Variants in PACRGL observed in about 807,000 individuals in gnomAD.
PACRGL encodes the protein PACRG-like protein.
PACRGL carries 38 observed loss-of-function variants against 34.5 expected under a neutral mutation model. That is an observed-to-expected ratio of 1.10 (90% confidence interval 0.85 to 1.44). The LOEUF (loss-of-function observed/expected upper bound fraction) is 1.44, where lower values mean the gene tolerates loss of function less well. Ranked by LOEUF, PACRGL falls within the 40% of genes most tolerant of loss-of-function variation. The pLI, the probability that PACRGL is intolerant of heterozygous loss-of-function variation, is 0.00. For synonymous variants in PACRGL, 128 were observed against 100.1 expected (o/e 1.28, Z -1.66); for missense variants, 305 against 281.4 (o/e 1.08, Z -0.60).
At chr4:20,747,497 A>C (rs1267863589) in intron 8 of PACRGL, among the ~76,000 whole-genome samples, 1 of 152,212 alleles carries the variant, frequency 6.6e-6, no homozygotes, top group Non-Finnish European at 1.5e-5. Context: ...CTAAGCTGCC[A>C]TTAGCAAAAG....
rs200650846 is a variant in PACRGL, at chr4:20,709,752, A to G, written c.345A>G (p.Pro115=). Residue 115 remains proline (P), a synonymous_variant, in exon 5 of 9, where the codon CCA becomes CCG. Coordinates refer to ENST00000503585, the MANE Select transcript of PACRGL (RefSeq NM_001258345.3). ...CTCCTGAAAGTCTTTCATTTGATCC[A>G]CTTCTTATTACTTTAGCTGAGGTAA... ...ECPPESLSFD[P]LLITLAEGLR... The G allele has an allele frequency of 6.7e-5, 108 of 1,602,656 alleles. No homozygotes were observed. Among genetic ancestry groups the G allele is most frequent in the Admixed American group, 1.5e-4 (9 of 59,894 alleles).
At position 20,724,801 on chromosome 4, in the gene PACRGL, T is replaced by A. The variant is rs1445218384; in HGVS notation, c.610-7T>A. 6.8e-7 allele frequency: 1 copy of A among 1,462,450 alleles called. No individual in the cohort carries two copies. The highest frequency in any genetic ancestry group is 2.6e-5 in the East Asian group (1 of 38,650). The allele number at this position is 1,462,450 out of a possible 1,614,324, so 90.6% of individuals were successfully genotyped here. ...CATTTCGTTTCCCCCTAATCTTACT[T>A]TAAAAGCTTTCCAAGAGATTAATGG... On this transcript the variant is annotated splice_region_variant and splice_polypyrimidine_tract_variant and intron_variant, in intron 7 of 8. Coordinates refer to ENST00000503585, the MANE Select transcript of PACRGL (RefSeq NM_001258345.3).
At chr4:20,736,190 A>G (rs138777937), downstream of PACRGL, among the ~76,000 whole-genome samples, 211 of 152,310 alleles carry the variant, frequency 1.4e-3, no homozygotes, top group African/African-American at 2.7e-3. Context: ...ATTTTTGTGC[A>G]TACACAAGTA....
rs1560310091 is a variant in PACRGL, at chr4:20,710,418, A to C, written c.366+645A>C. Among the ~76,000 whole-genome samples, 5 of 152,356 alleles carry C rather than the reference A, an allele frequency of 3.3e-5. No individual in the cohort carries two copies. The South Asian group carries it at 1.0e-3, about 32-fold the overall frequency. Reference sequence around the variant, plus strand: ...CTTAGAGTTAGAAGTAGAGAAATGAATTAACCAGTTGTCTTGTATTTAAAC... The same window carrying C: ...CTTAGAGTTAGAAGTAGAGAAATGACTTAACCAGTTGTCTTGTATTTAAAC... On this transcript the variant is annotated intron_variant, in intron 5 of 8. Coordinates refer to ENST00000503585, the MANE Select transcript of PACRGL (RefSeq NM_001258345.3).
At chr4:20,713,327 T>C in intron 6 of PACRGL, 105 bp from the exon 7 acceptor site, 1 of 789,940 alleles carries the variant, frequency 1.3e-6, no homozygotes, top group Non-Finnish European at 2.1e-6. Context: ...TGTTTAATCT[T>C]ATCCTTTTCT....
intron 8 of PACRGL, among the ~76,000 whole-genome samples, chr4:20,752,267 C>G (rs1439360613): frequency 3.3e-5 from 5 of 152,008 alleles, no homozygotes; most frequent in Non-Finnish European, 5.9e-5. Context: ...TCACGTTGGC[C>G]AGACTGGTCT....
At chr4:20,738,922 G>A (rs1015096943) in intron 8 of PACRGL, among the ~76,000 whole-genome samples, 15 of 152,150 alleles carry the variant, frequency 9.9e-5, no homozygotes, top group African/African-American at 3.6e-4. Flanking sequence ...CTTAGCAAAC[G>A]GCACACCAGG....
At chr4:20,746,283 A>T (rs941838344) in intron 8 of PACRGL, among the ~76,000 whole-genome samples, 2 of 152,124 alleles carry the variant, frequency 1.3e-5, no homozygotes, top group African/African-American at 4.8e-5. Context: ...CAGTAAACCA[A>T]ACATTGCATG....
At chr4:20,707,933 A>G in intron 4 of PACRGL, 63 bp downstream of exon 4, 4 of 1,222,568 alleles carry the variant, frequency 3.3e-6, no homozygotes, top group African/African-American at 1.5e-5. Context: ...AATGAATACA[A>G]TATTTAGTTT....
chr4:20,758,697 C>A, the PACRGL span: 1 of 731,294 alleles, frequency 1.4e-6, no homozygotes, highest in Non-Finnish European at 2.4e-6. Context: ...CACTTGCATG[C>A]TGTGCATTAA....
intron 7 of PACRGL, among the ~76,000 whole-genome samples, chr4:20,718,580 G>A (rs372513820): frequency 4.6e-5 from 7 of 152,152 alleles, no homozygotes; most frequent in South Asian, 4.1e-4. Context: ...TGCATCTATC[G>A]AGATAATCGT....
At position 20,731,859 on chromosome 4, in the gene PACRGL, G is replaced by A; in HGVS notation, c.*4518G>A. 1.4e-6 allele frequency: 2 copies of A among 1,422,482 alleles called. No individual in the cohort carries two copies. Among genetic ancestry groups the A allele is most frequent in the South Asian group, 1.6e-5 (1 of 62,976 alleles). 88.1% of individuals were successfully genotyped at this position (1,422,482 alleles called of 1,614,324 possible). On this transcript the variant is annotated 3_prime_UTR_variant, in exon 9 of 9. Transcript: ENST00000503585. Reference sequence around the variant, plus strand: ...TATGTAATTGGTGCTTGTTTTCAGAGTGGTAGGCTTATGCTGCATGTTGTA... The same window carrying A: ...TATGTAATTGGTGCTTGTTTTCAGAATGGTAGGCTTATGCTGCATGTTGTA...
intron 1 of PACRGL, among the ~76,000 whole-genome samples, chr4:20,704,174 G>T (rs557811843): frequency 1.1e-4 from 17 of 152,302 alleles, no homozygotes; most frequent in Admixed American, 9.8e-4. Context: ...TTCTAATGTG[G>T]TCAGAGAATT....
At chr4:20,760,482 C>G in the PACRGL span, among the ~76,000 whole-genome samples, 1 of 152,138 alleles carries the variant, frequency 6.6e-6, no homozygotes, top group Non-Finnish European at 1.5e-5. Flanking sequence ...CTGTAATGTG[C>G]TTCACCTGCA....
intron 7 of PACRGL, chr4:20,716,248 G>T: frequency 1.3e-6 from 1 of 771,226 alleles, no homozygotes; most frequent in Non-Finnish European, 2.2e-6. Context: ...AATCAGCAAA[G>T]GTAAGAGGCA....
chr4:20,711,017 G>A (rs151327544), intron 5 of PACRGL, among the ~76,000 whole-genome samples: 7 of 152,016 alleles, frequency 4.6e-5, no homozygotes, highest in African/African-American at 1.7e-4. Context: ...GGGAGACCCT[G>A]TCTCTACAAA....
Position 20,729,847 on chromosome 4 carries a change from C to CAGAGT in PACRGL, c.*2508_*2512dup. 2.5e-6 allele frequency: 1 copy of CAGAGT among 396,764 alleles called. No homozygotes were observed. The highest frequency in any genetic ancestry group is 4.3e-5 in the Admixed American group (1 of 23,366). 24.6% of individuals were successfully genotyped at this position (396,764 alleles called of 1,614,324 possible). A position where few individuals can be genotyped will look rare whatever the true frequency, so the allele number is the denominator to read the frequency against. ...AGATTCTATTACTTTTGAATATTCA[C>CAGAGT]AGAGTATGAAATGAGTTAGACCATC... On this transcript the variant is annotated 3_prime_UTR_variant, in exon 9 of 9. Transcript: ENST00000503585.
Position 20,728,713 on chromosome 4 carries a change from T to G in PACRGL, c.*1372T>G, listed in dbSNP as rs1311850135. The G allele has an allele frequency of 6.6e-6, 1 of 152,640 alleles. No homozygotes were observed. Among genetic ancestry groups the G allele is most frequent in the Admixed American group, 6.5e-5 (1 of 15,274 alleles). The allele number at this position is 152,640 out of a possible 1,614,324, so 9.5% of individuals were successfully genotyped here. A position where few individuals can be genotyped will look rare whatever the true frequency, so the allele number is the denominator to read the frequency against. On this transcript the variant is annotated 3_prime_UTR_variant, in exon 9 of 9. Transcript: ENST00000503585. Reference sequence around the variant, plus strand: ...ATGGCAAATTTCAGTGTACATGTATTGTACTACTCTTAATTTCTACACTGG... The same window carrying G: ...ATGGCAAATTTCAGTGTACATGTATGGTACTACTCTTAATTTCTACACTGG...
At chr4:20,741,802 A>G (rs561364365) in intron 8 of PACRGL, among the ~76,000 whole-genome samples, 1 of 152,214 alleles carries the variant, frequency 6.6e-6, no homozygotes, top group African/African-American at 2.4e-5. Context: ...GAAAAGATCA[A>G]CAAAATTGAT....
Sources: gnomAD v4.1 joint callset for allele counts (sites outside exome capture counted in the v4.1 genomes callset) on GRCh38, gnomAD v4.1.1 for gene constraint, MANE v1.5 for transcripts, NCBI Gene and HGNC (gene_info 2026-07-23, HGNC 2026-07-21) for gene names.